The following FAM240B variants were observed in gnomAD, a reference collection of about 807,000 sequenced individuals.
FAM240B encodes the protein protein FAM240B.
chr9:38,705,682 CTT>C (rs1393437123), intron 1 of FAM240B: 1 of 151,640 alleles, frequency 6.6e-6, no homozygotes, highest in African/African-American at 2.4e-5. Flanking sequence ...TTGTATTACA[CTT>C]ATATGTATAA....
intron 1 of FAM240B, among the ~76,000 whole-genome samples, chr9:38,713,533 A>T (rs1821279626): frequency 6.6e-6 from 1 of 151,874 alleles, no homozygotes; most frequent in African/African-American, 2.4e-5. Flanking sequence ...CTGTTCAAGA[A>T]CTAGATTTCA....
In FAM240B at chr9:38,712,649, G is replaced by A. The variant is rs141735414; in HGVS notation, c.-4+7373C>T. Among the ~76,000 whole-genome samples the A allele has an allele frequency of 3.3e-5, 5 of 152,294 alleles. No homozygotes were observed. The East Asian group carries it at 9.6e-4, about 29-fold the overall frequency. On this transcript the variant is annotated intron_variant, in intron 1 of 2. Coordinates refer to ENST00000637493, the MANE Select transcript of FAM240B (RefSeq NM_001394922.1). ...AGCACCCAGAATGTCTATTCATTGG[G>A]TGCTGACATCACAGAAGTGACAGTG...
At chr9:38,695,237 T>C (rs1261661917) in intron 2 of FAM240B, among the ~76,000 whole-genome samples, 1 of 152,202 alleles carries the variant, frequency 6.6e-6, no homozygotes, top group Non-Finnish European at 1.5e-5. Flanking sequence ...AACCCAATGC[T>C]GCTAGGCATG....
intron 1 of FAM240B, among the ~76,000 whole-genome samples, chr9:38,709,707 T>G (rs1821230229): frequency 6.6e-6 from 1 of 152,218 alleles, no homozygotes; most frequent in Non-Finnish European, 1.5e-5. Flanking sequence ...CTAAGCAATG[T>G]GCAGACACAT....
chr9:38,713,898 C>T (rs1212456293), intron 1 of FAM240B, among the ~76,000 whole-genome samples: 1 of 152,150 alleles, frequency 6.6e-6, no homozygotes, highest in Admixed American at 6.5e-5. Context: ...CTACTTTTAT[C>T]TCCTTTCAAG....
intron 1 of FAM240B, among the ~76,000 whole-genome samples, chr9:38,708,321 T>C (rs907788937): frequency 4.6e-5 from 7 of 152,180 alleles, no homozygotes; most frequent in Non-Finnish European, 7.4e-5. Flanking sequence ...CAGCCCCCTA[T>C]CCTGCTTCTG....
At position 38,701,431 on chromosome 9, in the gene FAM240B, GTTTGC is replaced by G. The variant is rs778757880; in HGVS notation, c.143+2421_143+2425del. Among the ~76,000 whole-genome samples, 180 of 152,296 alleles carry G rather than the reference GTTTGC, an allele frequency of 1.2e-3. 3 individuals are homozygous for G. Among genetic ancestry groups the G allele is most frequent in the Admixed American group, 7.2e-4 (11 of 15,300 alleles). ...CTTGGTTCATGTGAGTTGTGTATGT[GTTTGC>G]TTTGCTTTTTTGTTCAGCAAAAATA... On this transcript the variant is annotated intron_variant, in intron 2 of 2. Transcript: ENST00000637493.
At chr9:38,717,222 C>T (rs914206384) in intron 1 of FAM240B, among the ~76,000 whole-genome samples, 5 of 152,162 alleles carry the variant, frequency 3.3e-5, no homozygotes, top group Non-Finnish European at 5.9e-5. Flanking sequence ...TTGGGATGCT[C>T]ATGGAAATTA....
intron 1 of FAM240B, chr9:38,705,207 C>A (rs893893764): frequency 2.6e-5 from 4 of 152,288 alleles, no homozygotes; most frequent in African/African-American, 9.6e-5. Context: ...TCCCTTACTT[C>A]ACAGCTACAA....
chr9:38,715,155 A>T (rs987002480), intron 1 of FAM240B, among the ~76,000 whole-genome samples: 2 of 152,208 alleles, frequency 1.3e-5, no homozygotes, highest in Non-Finnish European at 2.9e-5. Context: ...TTGCCTGAGG[A>T]ACATTTTCAG....
At chr9:38,709,036 G>A (rs1004735396) in intron 1 of FAM240B, among the ~76,000 whole-genome samples, 1 of 152,056 alleles carries the variant, frequency 6.6e-6, no homozygotes. Context: ...ATATTTGTGG[G>A]CTCTCTGTGG....
At chr9:38,716,471 T>TAAAA (rs1821303694) in intron 1 of FAM240B, among the ~76,000 whole-genome samples, 1 of 69,544 alleles carries the variant, frequency 1.4e-5, no homozygotes, top group Non-Finnish European at 3.1e-5. Context: ...GACTCCGCTC[T>TAAAA]TAAATAAAAT....
At chr9:38,707,624 A>C (rs1416216131) in intron 1 of FAM240B, among the ~76,000 whole-genome samples, 4 of 140,612 alleles carry the variant, frequency 2.8e-5, no homozygotes, top group Admixed American at 1.4e-4. Flanking sequence ...AAAAAAAAAA[A>C]ACAAAAAAAA....
At chr9:38,699,075 T>C (rs1269979679) in intron 2 of FAM240B, among the ~76,000 whole-genome samples, 1 of 152,192 alleles carries the variant, frequency 6.6e-6, no homozygotes, top group East Asian at 1.9e-4. Flanking sequence ...AGAGAGAACA[T>C]TTTTACCTTC....
intron 1 of FAM240B, among the ~76,000 whole-genome samples, chr9:38,713,158 A>G (rs551032476): frequency 6.6e-6 from 1 of 152,288 alleles, no homozygotes; most frequent in South Asian, 2.1e-4. Context: ...CATGATGAGT[A>G]GGCTCATAAA....
intron 1 of FAM240B, among the ~76,000 whole-genome samples, chr9:38,715,895 G>T (rs1413887851): frequency 6.6e-6 from 1 of 152,140 alleles, no homozygotes; most frequent in African/African-American, 2.4e-5. Context: ...AAAGCAATTA[G>T]AGAAAGCACC....
At chr9:38,707,828 A>T (rs1484124968) in intron 1 of FAM240B, among the ~76,000 whole-genome samples, 1 of 151,776 alleles carries the variant, frequency 6.6e-6, no homozygotes, top group African/African-American at 2.4e-5. Context: ...GTGAACCCAA[A>T]GGAAATCAGG....
At chr9:38,705,273 G>C (rs1008172973) in intron 1 of FAM240B, 3 of 152,378 alleles carry the variant, frequency 2.0e-5, no homozygotes, top group African/African-American at 7.2e-5. Flanking sequence ...AGGATTAGGG[G>C]CGAGAGAGGA....
At chr9:38,702,431 G>C (rs1417094041) in intron 2 of FAM240B, among the ~76,000 whole-genome samples, 2 of 152,254 alleles carry the variant, frequency 1.3e-5, no homozygotes, top group Non-Finnish European at 2.9e-5. Context: ...TGGAATCACA[G>C]TGCTCTGCTG....
Sources: gnomAD v4.1 joint callset for allele counts (sites outside exome capture counted in the v4.1 genomes callset) on GRCh38, gnomAD v4.1.1 for gene constraint, MANE v1.5 for transcripts, NCBI Gene and HGNC (gene_info 2026-07-23, HGNC 2026-07-21) for gene names.